MRC1: variants seen among roughly 807,000 people sequenced by gnomAD.
MRC1 encodes the protein macrophage mannose receptor 1.
In MRC1, 62 loss-of-function variants were observed where a neutral mutation model predicts 102.9. The ratio of observed to expected loss-of-function variants is 0.60; its 90% CI spans 0.49 to 0.74. The LOEUF is 0.74. MRC1 is among the 30% of genes least tolerant of loss of function. The probability of loss-of-function intolerance (pLI) is 0.00; values close to 1 mark genes in which losing one functional copy is unlikely to be tolerated. For synonymous variants in MRC1, 457 were observed against 298.4 expected (o/e 1.53, Z -5.48); for missense variants, 1,237 against 862.8 (o/e 1.43, Z -5.43).
rs1183326335 is a variant in MRC1, at chr10:17,881,192, C to T, written c.2980+11C>T. 10 of 779,384 alleles carry T rather than the reference C, an allele frequency of 1.3e-5. No homozygotes were observed. Among genetic ancestry groups the T allele is most frequent in the East Asian group, 2.4e-5 (1 of 41,238 alleles). 48.3% of individuals were successfully genotyped at this position (779,384 alleles called of 1,614,324 possible). ...ATGAAAAAGAGCAAGGTAGGCAGGCCATTTTGCAATTAGTTGTGTGTTTAA... is the reference window on the plus strand; with the variant it reads ...ATGAAAAAGAGCAAGGTAGGCAGGCTATTTTGCAATTAGTTGTGTGTTTAA... On this transcript the variant is annotated intron_variant, in intron 21 of 29. Coordinates refer to ENST00000569591, the MANE Select transcript of MRC1 (RefSeq NM_002438.4).
chr10:17,881,635 T>A (rs1465032082), intron 21 of MRC1, among the ~76,000 whole-genome samples: 5 of 151,628 alleles, frequency 3.3e-5, no homozygotes, highest in Non-Finnish European at 7.4e-5. Context: ...TGCAGCAAAG[T>A]TGATATTTTA....
rs1442512374 is a variant in MRC1 at position 17,899,834 on chromosome 10, C to T, written c.3484-954C>T. Among the ~76,000 whole-genome samples the T allele has an allele frequency of 2.0e-5, 3 of 152,156 alleles. No homozygotes were observed. The East Asian group carries it at 5.8e-4, about 29-fold the overall frequency. ...ACTGTGCAGGCCAGGCACGGTGGCT[C>T]ACGCCTGTAACCCCAGCAGTTTGGG... is the stretch of plus-strand genomic sequence containing the variant. On this transcript the variant is annotated intron_variant, in intron 24 of 29. Coordinates refer to ENST00000569591, the MANE Select transcript of MRC1 (RefSeq NM_002438.4).
intron 5 of MRC1, among the ~76,000 whole-genome samples, chr10:17,842,794 C>A (rs1838770997): frequency 6.6e-6 from 1 of 152,098 alleles, no homozygotes; most frequent in Non-Finnish European, 1.5e-5. Flanking sequence ...GAGAAAACTT[C>A]CGGGTTAACT....
intron 6 of MRC1, among the ~76,000 whole-genome samples, chr10:17,849,125 A>T (rs1320160902): frequency 1.3e-5 from 2 of 152,094 alleles, no homozygotes; most frequent in Admixed American, 1.3e-4. Flanking sequence ...CTTGTTGTAG[A>T]TATAACTTTT....
intron 2 of MRC1, among the ~76,000 whole-genome samples, chr10:17,825,222 G>A (rs974754465): frequency 0.081 from 12,361 of 152,188 alleles, 1,132 homozygotes; most frequent in African/African-American, 0.23. Context: ...ATGAGAACAT[G>A]GGGGAGGGGT....
Position 17,809,757 on chromosome 10 carries a change from T to A in MRC1, c.61+231T>A, listed in dbSNP as rs994965190. Among the ~76,000 whole-genome samples the A allele has an allele frequency of 2.0e-5, 3 of 152,202 alleles. No homozygotes were observed. The South Asian group carries it at 6.2e-4, about 32-fold the overall frequency. Reference sequence around the variant, plus strand: ...GCGTCTCAGGTCTCGGTTGCTGCCCTGCCGGGAACCCTACAGACCTTCAGT... The same window carrying A: ...GCGTCTCAGGTCTCGGTTGCTGCCCAGCCGGGAACCCTACAGACCTTCAGT... On this transcript the variant is annotated intron_variant, in intron 1 of 29. Transcript: ENST00000569591.
At chr10:17,834,694 G>A (rs1208877746) in intron 4 of MRC1, among the ~76,000 whole-genome samples, 3 of 152,168 alleles carry the variant, frequency 2.0e-5, no homozygotes, top group Non-Finnish European at 2.9e-5. Context: ...GATTACAGGC[G>A]TGAGCCACCG....
At chr10:17,887,484 A>G (rs1301717622) in intron 22 of MRC1, among the ~76,000 whole-genome samples, 1 of 152,242 alleles carries the variant, frequency 6.6e-6, no homozygotes, top group Non-Finnish European at 1.5e-5. Context: ...TCATGACACC[A>G]ATGAGGGCTG....
intron 9 of MRC1, among the ~76,000 whole-genome samples, chr10:17,857,548 C>A (rs933719102): frequency 7.9e-5 from 12 of 152,188 alleles, no homozygotes; most frequent in African/African-American, 2.9e-4. Flanking sequence ...TTATGAAGTA[C>A]AATTATTGCA....
intron 9 of MRC1, among the ~76,000 whole-genome samples, chr10:17,858,535 T>A (rs1833132392): frequency 6.6e-6 from 1 of 152,234 alleles, no homozygotes. Context: ...TTGCCCAGGC[T>A]GGAGTGCAGT....
Position 17,814,401 on chromosome 10 carries a change from A to C in MRC1, c.61+4875A>C, listed in dbSNP as rs372372705. ...GGAAAGGAAGGAATTAATATTTATCAAGTGTGTATTAGATGCAGATAATAT... is the reference window on the plus strand; with the variant it reads ...GGAAAGGAAGGAATTAATATTTATCCAGTGTGTATTAGATGCAGATAATAT... On this transcript the variant is annotated intron_variant, in intron 1 of 29. Coordinates refer to ENST00000569591, the MANE Select transcript of MRC1 (RefSeq NM_002438.4). Among the ~76,000 whole-genome samples, 28 of 152,354 alleles carry C rather than the reference A, an allele frequency of 1.8e-4. No homozygotes were observed. The East Asian group carries it at 4.6e-3, about 25-fold the overall frequency.
chr10:17,880,427 A>G, intron 19 of MRC1, 98 bp from the exon 20 acceptor site: 1 of 746,718 alleles, frequency 1.3e-6, no homozygotes, highest in Middle Eastern at 3.6e-4. Flanking sequence ...AGTCTAAATA[A>G]GTTTTGAGAA....
intron 12 of MRC1, among the ~76,000 whole-genome samples, chr10:17,868,658 C>T (rs1043633365): frequency 6.6e-6 from 1 of 152,284 alleles, no homozygotes; most frequent in South Asian, 2.1e-4. Context: ...GGCATATGGC[C>T]ATGACATGCC....
At chr10:17,876,389 A>G (rs1833437756) in intron 17 of MRC1, among the ~76,000 whole-genome samples, 1 of 151,974 alleles carries the variant, frequency 6.6e-6, no homozygotes. Flanking sequence ...CTGGGACTAC[A>G]GGCGCACACC....
Position 17,859,940 on chromosome 10 carries a change from C to T in MRC1, c.1519-1447C>T, listed in dbSNP as rs1014896093. Among the ~76,000 whole-genome samples the T allele has an allele frequency of 9.7e-4, 147 of 152,230 alleles. 4 individuals are homozygous for T. The East Asian group carries it at 0.026, about 27-fold the overall frequency. On this transcript the variant is annotated intron_variant, in intron 9 of 29. Transcript: ENST00000569591. ...GGTAGATGACAAGACACTGTCATTT[C>T]CTGCTTCTGTGGGCAGAATGTTCTA...
chr10:17,861,392 G>GA lies in MRC1; in HGVS notation c.1530dup (p.His511ThrfsTer23). The GA allele has an allele frequency of 2.3e-6, 2 of 872,190 alleles. No individual in the cohort carries two copies. The highest frequency in any genetic ancestry group is 4.0e-6 in the Non-Finnish European group (2 of 501,276). 54.0% of individuals were successfully genotyped at this position (872,190 alleles called of 1,614,324 possible). ...CTGCTTGATAACATTAATAGGGCTG[G>GA]AAAAAACATCACTTTTACTGCTATA... On this transcript the variant is annotated frameshift_variant, in exon 10 of 30. Coordinates refer to ENST00000569591, the MANE Select transcript of MRC1 (RefSeq NM_002438.4). LOFTEE classifies it high-confidence loss of function.
At chr10:17,873,980 T>A (rs1833391066) in intron 16 of MRC1, among the ~76,000 whole-genome samples, 155 bp downstream of exon 16, 1 of 152,180 alleles carries the variant, frequency 6.6e-6, no homozygotes, top group East Asian at 1.9e-4. Flanking sequence ...GGTCTTCCTC[T>A]CCAGAGAGAA....
chr10:17,894,644 C>G (rs1188485268), intron 23 of MRC1, among the ~76,000 whole-genome samples: 4 of 152,076 alleles, frequency 2.6e-5, no homozygotes, highest in Middle Eastern at 6.8e-3. Context: ...GGTGATCTAC[C>G]TGCCTCGGCC....
Position 17,910,341 on chromosome 10 carries a change from T to C in MRC1, c.4247T>C (p.Val1416Ala). ...AAYFFYKKRR[V>A]HLPQEGAFEN... The stretch of plus-strand genomic sequence containing the variant: ...TATTTCTTTTATAAGAAAAGACGTG[T>C]GCACCTACCTCAAGAGGGCGCCTTT... The change falls in exon 30 of 30, where the codon GTG (valine) becomes GCG (alanine). Residue 1416 changes from valine (V) to alanine (A), a missense_variant. By Grantham distance (64) the Val-to-Ala change is moderately conservative. Coordinates refer to ENST00000569591, the MANE Select transcript of MRC1 (RefSeq NM_002438.4). 1 of 780,866 alleles carries C rather than the reference T, an allele frequency of 1.3e-6. No individual in the cohort carries two copies. Among genetic ancestry groups the C allele is most frequent in the East Asian group, 2.4e-5 (1 of 41,248 alleles). The allele number at this position is 780,866 out of a possible 1,614,324, so 48.4% of individuals were successfully genotyped here.
Sources: gnomAD v4.1 joint callset for allele counts (sites outside exome capture counted in the v4.1 genomes callset) on GRCh38, gnomAD v4.1.1 for gene constraint, MANE v1.5 for transcripts, NCBI Gene and HGNC (gene_info 2026-07-23, HGNC 2026-07-21) for gene names.